Variants in LRP1 observed in about 807,000 individuals in gnomAD.
The protein encoded by LRP1 is prolow-density lipoprotein receptor-related protein 1.
A neutral mutation model predicts 541.5 loss-of-function variants in LRP1; 51 were observed. The ratio of observed to expected loss-of-function variants is 0.09; its 90% CI spans 0.08 to 0.12. The LOEUF (loss-of-function observed/expected upper bound fraction) is 0.12, where lower values mean the gene tolerates loss of function less well. Ranked by LOEUF, LRP1 falls within the 10% of genes least tolerant of loss-of-function variation. The pLI is 1.00. For synonymous variants in LRP1, 2,219 were observed against 2,470.8 expected (o/e 0.90, Z 3.02); for missense variants, 3,878 against 6,376.2 (o/e 0.61, Z 13.34).
Position 57,178,680 on chromosome 12 carries a change from G to A in LRP1, c.4606+77G>A. ...GAAGCTGTAGAAGCTCTTAGGAGAGGAGAGGGCAGTGAGAACAGGAGCAAG... is the reference window on the plus strand; with the variant it reads ...GAAGCTGTAGAAGCTCTTAGGAGAGAAGAGGGCAGTGAGAACAGGAGCAAG... On this transcript the variant is annotated intron_variant, in intron 27 of 88. Coordinates refer to ENST00000243077, the MANE Select transcript of LRP1 (RefSeq NM_002332.3). This position sits in a 1 kb window ranked among gnomAD's most constrained non-coding sequence, Gnocchi z 5.8. 1.9e-6 allele frequency: 3 copies of A among 1,595,436 alleles called. No individual in the cohort carries two copies. The highest frequency in any genetic ancestry group is 1.3e-5 in the African/African-American group (1 of 74,652).
At chr12:57,170,039 C>T (rs1334289702) in intron 20 of LRP1, among the ~76,000 whole-genome samples, 1 of 152,220 alleles carries the variant, frequency 6.6e-6, no homozygotes. Context: ...CTTCTGAGGC[C>T]GTGTGGGAGA....
rs1276282710 is a variant in LRP1, at chr12:57,179,845, A to G, written c.5030A>G (p.Tyr1677Cys). 4 of 1,614,116 alleles carry G rather than the reference A, an allele frequency of 2.5e-6. No individual in the cohort carries two copies. The highest frequency in any genetic ancestry group is 2.2e-5 in the East Asian group (1 of 44,878). Reference sequence around the variant, plus strand: ...TCCCGAAACCTGTTCTGGACAAGCTATGACACCAATAAGAAGCAGATCAAT... The same window carrying G: ...TCCCGAAACCTGTTCTGGACAAGCTGTGACACCAATAAGAAGCAGATCAAT... ...WVSRNLFWTS[Y>C]DTNKKQINVA... Residue 1677 changes from tyrosine (Y) to cysteine (C), a missense_variant, in exon 30 of 89, where the codon TAT (tyrosine) becomes TGT (cysteine). Around this residue, in one of 13 missense-constraint regions of LRP1, gnomAD observed 394 missense variants for 635.9 expected, o/e 0.62. Transcript: ENST00000243077. This position sits in a 1 kb window ranked among gnomAD's most constrained non-coding sequence, Gnocchi z 6.8.
chr12:57,186,952 C>T (rs2036282306), intron 41 of LRP1, among the ~76,000 whole-genome samples: 1 of 152,234 alleles, frequency 6.6e-6, no homozygotes, highest in South Asian at 2.1e-4. Context: ...ATTTGATTTA[C>T]AGAAATCTAC....
At chr12:57,175,804 C>T (rs1205391677) in intron 23 of LRP1, 99 bp downstream of exon 23, 10 of 1,560,260 alleles carry the variant, frequency 6.4e-6, no homozygotes, top group Non-Finnish European at 8.7e-6. Context: ...GAGTTTTCCA[C>T]CCTAGCCCCC....
intron 45 of LRP1, 91 bp downstream of exon 45, chr12:57,193,061 C>T (rs1489713786): frequency 1.3e-6 from 2 of 1,586,396 alleles, no homozygotes; most frequent in Admixed American, 1.7e-5. Flanking sequence ...GCCCAGCCCC[C>T]CAAAGCCTTT....
Position 57,185,822 on chromosome 12 carries a change from C to T in LRP1, c.6755C>T (p.Pro2252Leu), listed in dbSNP as rs2036259003. Residue 2252 changes from proline (P) to leucine (L), a missense_variant, in exon 41 of 89, where the codon CCC (proline) becomes CTC (leucine). Physicochemically the swap from Pro to Leu is moderately conservative, Grantham distance 98 (BLOSUM62 -3). Coordinates refer to ENST00000243077, the MANE Select transcript of LRP1 (RefSeq NM_002332.3). This position sits in a 1 kb window ranked among gnomAD's most constrained non-coding sequence, Gnocchi z 4.9. ...CGGGCAGGCACCTCTCCGGGCACCC[C>T]CAATCGCATCTTCTTCAGCGACATC... is the stretch of plus-strand genomic sequence containing the variant. ...DYRAGTSPGT[P>L]NRIFFSDIHF... is the part of the protein sequence containing the mutation. 1.2e-6 allele frequency: 2 copies of T among 1,614,170 alleles called. No homozygotes were observed. Among genetic ancestry groups the T allele is most frequent in the Non-Finnish European group, 1.7e-6 (2 of 1,180,032 alleles).
Position 57,158,676 on chromosome 12 carries a change from G to A in LRP1, c.1798+38G>A, listed in dbSNP as rs1348587009. On this transcript the variant is annotated intron_variant, in intron 11 of 88. Coordinates refer to ENST00000243077, the MANE Select transcript of LRP1 (RefSeq NM_002332.3). The surrounding 1 kb of genome is among the most constrained non-coding windows in gnomAD (Gnocchi z 5.3). ...AGGGATGTGGCCCATGGGGATGGAA[G>A]GGGGCTGGGGCCCAGGCATCTGTTT... 2 of 1,581,714 alleles carry A rather than the reference G, an allele frequency of 1.3e-6. No homozygotes were observed. Among genetic ancestry groups the A allele is most frequent in the East Asian group, 4.5e-5 (2 of 44,668 alleles).
At chr12:57,202,345 G>A (rs919491811) in intron 67 of LRP1, 76 bp from the exon 68 acceptor site, 3 of 1,193,012 alleles carry the variant, frequency 2.5e-6, no homozygotes, top group African/African-American at 3.0e-5. Flanking sequence ...TGCCAGGCCA[G>A]CCTGACCATG....
chr12:57,151,130 G>A (rs971066513), intron 6 of LRP1, among the ~76,000 whole-genome samples: 4 of 152,108 alleles, frequency 2.6e-5, no homozygotes, highest in Non-Finnish European at 5.9e-5. Context: ...GAGTCTTTTT[G>A]GGCATGGGGT....
At chr12:57,207,326 AT>A in intron 76 of LRP1, among the ~76,000 whole-genome samples, 1 of 147,726 alleles carries the variant, frequency 6.8e-6, no homozygotes, top group African/African-American at 2.5e-5. Flanking sequence ...AATAAATAAA[AT>A]AAAATAAAAT....
chr12:57,186,346 C>T (rs571130650), intron 41 of LRP1, among the ~76,000 whole-genome samples: 18 of 152,196 alleles, frequency 1.2e-4, no homozygotes, highest in Non-Finnish European at 2.2e-4. Context: ...ATGCTGGGGA[C>T]GGAGTGTGTG....
In LRP1 at chr12:57,209,167, C is replaced by G. The variant is rs142667784; in HGVS notation, c.12230C>G (p.Thr4077Arg). The change falls in exon 79 of 89, where the codon ACG (threonine) becomes AGG (arginine). Residue 4077 changes from threonine (T) to arginine (R), a missense_variant. Coordinates refer to ENST00000243077, the MANE Select transcript of LRP1 (RefSeq NM_002332.3). The part of the protein sequence containing the change: ...SVIGSIRLNG[T>R]DPIVAADSKR... ...ATCGGCAGCATCCGGCTCAATGGCA[C>G]GGACCCCATTGTGGCTGCTGACAGC... The G allele has an allele frequency of 6.5e-4, 1,054 of 1,613,920 alleles. 1 individual carries two copies. The highest frequency in any genetic ancestry group is 8.5e-4 in the Non-Finnish European group (1,003 of 1,179,982).
intron 2 of LRP1, among the ~76,000 whole-genome samples, chr12:57,140,589 C>T (rs888163267): frequency 3.9e-5 from 6 of 152,258 alleles, no homozygotes; most frequent in Admixed American, 1.3e-4. Context: ...GACTGGGCTA[C>T]GTATTGGGCA....
Position 57,137,710 on chromosome 12 carries a change from C to T in LRP1, c.68-749C>T, listed in dbSNP as rs938223862. The stretch of plus-strand genomic sequence containing the variant: ...ACTGGGGAGGCCGAGGCAGGAGAAT[C>T]GCCTGGGCCCAGGAGGTGGAGGTTG... On this transcript the variant is annotated intron_variant, in intron 1 of 88. Transcript: ENST00000243077. 1.8e-4 allele frequency among the ~76,000 whole-genome samples: 27 copies of T among 151,876 alleles called. 2 individuals carry two copies. The highest frequency in any genetic ancestry group is 6.6e-5 in the Admixed American group (1 of 15,252).
chr12:57,167,112 T>A (rs564403295), intron 18 of LRP1, 66 bp downstream of exon 18: 1 of 1,385,366 alleles, frequency 7.2e-7, no homozygotes, highest in Non-Finnish European at 1.0e-6. Context: ...AGCATGCCAG[T>A]TGGGGGTGCC....
chr12:57,128,606 C>A lies in LRP1; in HGVS notation c.-359C>A. On this transcript the variant is annotated 5_prime_UTR_variant, in exon 1 of 89. Transcript: ENST00000243077. The stretch of plus-strand genomic sequence containing the variant: ...GCTCCCCTACCCGGTCCACGCCCCC[C>A]ACCCCCCCTCCCCGCCTCCTCCCAA... The A allele has an allele frequency of 7.2e-6, 3 of 416,148 alleles. No homozygotes were observed. Among genetic ancestry groups the A allele is most frequent in the South Asian group, 1.8e-4 (2 of 11,376 alleles). 25.8% of individuals were successfully genotyped at this position (416,148 alleles called of 1,614,324 possible).
rs1320144938 is a variant in LRP1, at chr12:57,159,892, G to A, written c.1866G>A (p.Gly622=). The change falls in exon 12 of 89, where the codon GGG becomes GGA. Residue 622 remains glycine, a synonymous_variant. Coordinates refer to ENST00000243077, the MANE Select transcript of LRP1 (RefSeq NM_002332.3). The part of the protein sequence containing the change: ...MGDNLYWTDD[G]PKKTISVARL... ...ACAATCTGTACTGGACGGACGATGG[G>A]CCCAAAAAGACAATCAGCGTGGCCA... 1.2e-6 allele frequency: 2 copies of A among 1,614,060 alleles called. No homozygotes were observed. The highest frequency in any genetic ancestry group is 2.7e-5 in the African/African-American group (2 of 74,904).
At position 57,212,247 on chromosome 12, in the gene LRP1, C is replaced by T; in HGVS notation, c.13480C>T (p.Leu4494=). 1 of 1,613,476 alleles carries T rather than the reference C, an allele frequency of 6.2e-7. No individual in the cohort carries two copies. Among genetic ancestry groups the T allele is most frequent in the Non-Finnish European group, 8.5e-7 (1 of 1,179,768 alleles). Residue 4494 remains leucine, a synonymous_variant, in exon 88 of 89, where the codon CTG becomes TTG. Coordinates refer to ENST00000243077, the MANE Select transcript of LRP1 (RefSeq NM_002332.3). The surrounding 1 kb of genome is among the most constrained non-coding windows in gnomAD (Gnocchi z 5.0). ...VGGLLDADFA[L]DPDKPTNFTN... ...AGGCCTACTGGACGCTGACTTTGCCCTGGACCCTGACAAGGTGGGCTGGGA... is the reference window on the plus strand; with the variant it reads ...AGGCCTACTGGACGCTGACTTTGCCTTGGACCCTGACAAGGTGGGCTGGGA...
At chr12:57,186,591 G>A (rs1349548741) in intron 41 of LRP1, among the ~76,000 whole-genome samples, 1 of 152,184 alleles carries the variant, frequency 6.6e-6, no homozygotes, top group African/African-American at 2.4e-5. Context: ...ATTTTCTGCT[G>A]CACATAGTCC....
Sources: gnomAD v4.1 joint callset for allele counts (sites outside exome capture counted in the v4.1 genomes callset) on GRCh38, gnomAD v4.1.1 for gene constraint, gnomAD v4.1.1 regional missense constraint, Gnocchi (gnomAD v3.1) non-coding constraint, MANE v1.5 for transcripts, NCBI Gene and HGNC (gene_info 2026-07-23, HGNC 2026-07-21) for gene names.